The following RBFOX1 variants were observed in gnomAD, a reference collection of about 807,000 sequenced individuals.
RBFOX1 encodes RNA binding protein fox-1 homolog 1.
A neutral mutation model predicts 57.7 loss-of-function variants in RBFOX1; 8 were observed. That is an observed-to-expected ratio of 0.14 (90% confidence interval 0.08 to 0.25). The LOEUF (loss-of-function observed/expected upper bound fraction) is 0.25, where lower values mean the gene tolerates loss of function less well. RBFOX1 is among the 10% of genes least tolerant of loss of function. The probability of loss-of-function intolerance (pLI) is 1.00; values close to 1 mark genes in which losing one functional copy is unlikely to be tolerated. For missense variants in RBFOX1, 611 were observed against 548.5 expected, an observed-to-expected ratio of 1.11 and a Z score of -1.14; for synonymous variants, 326 against 222.4, an observed-to-expected ratio of 1.47 and a Z score of -4.15.
intron 5 of RBFOX1, among the ~76,000 whole-genome samples, chr16:7,539,997 C>CT (rs2082497250): frequency 6.6e-6 from 1 of 152,210 alleles, no homozygotes; most frequent in Non-Finnish European, 1.5e-5. Context: ...TTGAACCTCA[C>CT]TAAGCCCTAA....
chr16:6,957,414 C>G (rs890603391), intron 3 of RBFOX1, among the ~76,000 whole-genome samples: 1 of 152,088 alleles, frequency 6.6e-6, no homozygotes, highest in South Asian at 2.1e-4. Context: ...CCGGTTATTT[C>G]TTCATGATAT....
chr16:7,247,610 T>C (rs989194382), intron 4 of RBFOX1, among the ~76,000 whole-genome samples: 3 of 152,346 alleles, frequency 2.0e-5, no homozygotes, highest in Non-Finnish European at 4.4e-5. Context: ...CTTAAATGAA[T>C]GTATATCCTG....
At chr16:6,673,063 T>C (rs1000882218) in intron 3 of RBFOX1, among the ~76,000 whole-genome samples, 4 of 152,190 alleles carry the variant, frequency 2.6e-5, no homozygotes, top group African/African-American at 7.2e-5. Flanking sequence ...CCACAGTGCT[T>C]CTTACCAGAG....
chr16:5,587,512 A>T (rs2046871837), intron 2 of RBFOX1, among the ~76,000 whole-genome samples: 2 of 152,182 alleles, frequency 1.3e-5, no homozygotes, highest in Admixed American at 1.3e-4. Flanking sequence ...CAGGAGTTTG[A>T]GACAAGCCTG....
At chr16:5,479,151 A>G (rs766169393) in intron 2 of RBFOX1, among the ~76,000 whole-genome samples, 2 of 152,256 alleles carry the variant, frequency 1.3e-5, no homozygotes, top group East Asian at 1.9e-4. Context: ...GCCTTTGCAG[A>G]GAGACTTCCT....
chr16:6,228,180 A>G (rs1422002338), intron 1 of RBFOX1, among the ~76,000 whole-genome samples: 1 of 152,014 alleles, frequency 6.6e-6, no homozygotes, highest in Non-Finnish European at 1.5e-5. Flanking sequence ...GCTTGGTGAC[A>G]CGCGCCTGTA....
intron 3 of RBFOX1, among the ~76,000 whole-genome samples, chr16:5,723,741 G>C (rs1199804778): frequency 1.3e-5 from 2 of 152,202 alleles, no homozygotes; most frequent in Middle Eastern, 3.2e-3. Flanking sequence ...GTCTGATTGT[G>C]AGATCTTTGG....
chr16:7,653,524 A>C (rs2144774585), intron 11 of RBFOX1, among the ~76,000 whole-genome samples: 1 of 152,292 alleles, frequency 6.6e-6, no homozygotes, highest in Admixed American at 6.5e-5. Context: ...TCATTAATTA[A>C]ATACTCATGC....
chr16:6,680,429 A>C (rs1244804059), intron 3 of RBFOX1, among the ~76,000 whole-genome samples: 1 of 151,558 alleles, frequency 6.6e-6, no homozygotes, highest in Non-Finnish European at 1.5e-5. Context: ...CACCTGGCTA[A>C]TTTTTTTGTA....
intron 2 of RBFOX1, among the ~76,000 whole-genome samples, chr16:5,481,055 T>C (rs74889430): frequency 0.024 from 3,723 of 152,334 alleles, 49 homozygotes; most frequent in Non-Finnish European, 0.035. Context: ...CCCACACAAG[T>C]CTACTAGCTC....
chr16:7,671,421 G>A (rs576348668), intron 13 of RBFOX1: 35 of 737,556 alleles, frequency 4.7e-5, no homozygotes, highest in Middle Eastern at 3.9e-4. Context: ...AGCTTGGTGG[G>A]CCAGTCCCAA....
intron 4 of RBFOX1, among the ~76,000 whole-genome samples, chr16:7,101,048 T>C (rs148636748): frequency 1.3e-5 from 2 of 152,378 alleles, no homozygotes; most frequent in East Asian, 3.9e-4. Flanking sequence ...GTTACCTATA[T>C]ACACTAAAAC....
intron 3 of RBFOX1, among the ~76,000 whole-genome samples, chr16:5,745,116 C>T (rs1211937426): frequency 1.3e-5 from 2 of 152,136 alleles, no homozygotes; most frequent in Admixed American, 6.5e-5. Context: ...TGACAGGCCC[C>T]GGTGTGTGAT....
chr16:7,390,286 G>C (rs977573356), intron 4 of RBFOX1, among the ~76,000 whole-genome samples: 2 of 152,062 alleles, frequency 1.3e-5, no homozygotes, highest in Non-Finnish European at 2.9e-5. Context: ...ACCATATCAG[G>C]GGTCTAGAAA....
chr16:5,440,862 A>G (rs2068062996), intron 1 of RBFOX1, among the ~76,000 whole-genome samples: 2 of 152,180 alleles, frequency 1.3e-5, no homozygotes, highest in African/African-American at 4.8e-5. Flanking sequence ...CTAGTTTACT[A>G]TTTGAGGCTA....
chr16:7,399,875 G>T (rs2098211637), intron 4 of RBFOX1, among the ~76,000 whole-genome samples: 1 of 152,158 alleles, frequency 6.6e-6, no homozygotes, highest in Admixed American at 6.5e-5. Flanking sequence ...AACTATCCTT[G>T]CATGGAGAAA....
intron 1 of RBFOX1, among the ~76,000 whole-genome samples, chr16:5,267,487 G>A (rs557564948): frequency 1.2e-3 from 183 of 151,852 alleles, no homozygotes; most frequent in Middle Eastern, 6.8e-3. Flanking sequence ...TAGTAGAGGC[G>A]GGGTTTCACC....
At chr16:5,257,058 C>T (rs1225204395) in intron 1 of RBFOX1, among the ~76,000 whole-genome samples, 1 of 152,110 alleles carries the variant, frequency 6.6e-6, no homozygotes, top group East Asian at 1.9e-4. Flanking sequence ...GGAAACCAGA[C>T]CAGGACTCCA....
At chr16:6,438,363 C>G (rs28716226) in intron 2 of RBFOX1, among the ~76,000 whole-genome samples, 1 of 152,184 alleles carries the variant, frequency 6.6e-6, no homozygotes, top group African/African-American at 2.4e-5. Flanking sequence ...TCTGGCCAGG[C>G]CACTTACCTA....
Sources: gnomAD v4.1 joint callset for allele counts (sites outside exome capture counted in the v4.1 genomes callset) on GRCh38, gnomAD v4.1.1 for gene constraint, MANE v1.5 for transcripts, NCBI Gene and HGNC (gene_info 2026-07-23, HGNC 2026-07-21) for gene names.